Variants in ADCY5 observed in about 807,000 individuals in gnomAD.
The protein encoded by ADCY5 is adenylate cyclase 5.
Under a neutral mutation model 119.7 loss-of-function variants are expected in ADCY5, and 30 were observed. That is an observed-to-expected ratio of 0.25 (90% CI 0.19 to 0.34). The LOEUF (loss-of-function observed/expected upper bound fraction) is 0.34, where lower values mean the gene tolerates loss of function less well. ADCY5 is among the 10% of genes least tolerant of loss of function. ADCY5 has a pLI of 1.00. For synonymous variants in ADCY5, 753 were observed against 762.2 expected (o/e 0.99, Z 0.20); for missense variants, 1,324 against 1,775.2 (o/e 0.75, Z 4.57).
intron 3 of ADCY5, among the ~76,000 whole-genome samples, chr3:123,332,944 A>G (rs1371181774): frequency 6.7e-6 from 1 of 149,330 alleles, no homozygotes. Flanking sequence ...TTTTGGGTAG[A>G]GACAGGGTCT....
intron 3 of ADCY5, among the ~76,000 whole-genome samples, chr3:123,335,540 T>C (rs1941978574): frequency 6.6e-6 from 1 of 152,172 alleles, no homozygotes; most frequent in African/African-American, 2.4e-5. Flanking sequence ...ATCAAGATGA[T>C]GCTGTCTGTA....
intron 1 of ADCY5, among the ~76,000 whole-genome samples, chr3:123,431,211 C>G (rs1945515007): frequency 6.6e-6 from 1 of 152,210 alleles, no homozygotes; most frequent in Non-Finnish European, 1.5e-5. Flanking sequence ...TTCTAGTTTA[C>G]AGCGGAGTCA....
intron 1 of ADCY5, among the ~76,000 whole-genome samples, chr3:123,357,381 A>G (rs1330813400): frequency 6.6e-6 from 1 of 152,186 alleles, no homozygotes; most frequent in African/African-American, 2.4e-5. Flanking sequence ...CATGACCCCC[A>G]AAGCAATTAT....
chr3:123,320,900 T>C, intron 8 of ADCY5, 129 bp from the exon 9 acceptor site: 1 of 695,208 alleles, frequency 1.4e-6, no homozygotes. Context: ...GAGAGGATTG[T>C]CATTCAGCAG....
intron 1 of ADCY5, among the ~76,000 whole-genome samples, chr3:123,396,011 A>AGAGAGGGAGGGAGG (rs1944537303): frequency 8.0e-6 from 1 of 125,710 alleles, no homozygotes; most frequent in Non-Finnish European, 1.6e-5. Flanking sequence ...AGAAAGAGAG[A>AGAGAGGGAGGGAGG]AAGAGAGAGG....
At chr3:123,354,236 C>T (rs1453610286) in intron 1 of ADCY5, among the ~76,000 whole-genome samples, 1 of 152,166 alleles carries the variant, frequency 6.6e-6, no homozygotes. Flanking sequence ...TTTGTGTCCC[C>T]CAAAAGGACT....
At chr3:123,387,867 G>C (rs934547610) in intron 1 of ADCY5, among the ~76,000 whole-genome samples, 1 of 152,168 alleles carries the variant, frequency 6.6e-6, no homozygotes, top group African/African-American at 2.4e-5. Flanking sequence ...AGCTGGTCAC[G>C]GTGTGTGGTC....
At chr3:123,434,217 A>T (rs1236703232) in intron 1 of ADCY5, among the ~76,000 whole-genome samples, 1 of 152,232 alleles carries the variant, frequency 6.6e-6, no homozygotes, top group African/African-American at 2.4e-5. Flanking sequence ...TTAACTAACT[A>T]GCAATGTAAC....
intron 3 of ADCY5, among the ~76,000 whole-genome samples, chr3:123,341,832 T>C (rs1164136906): frequency 6.6e-6 from 1 of 152,074 alleles, no homozygotes; most frequent in Non-Finnish European, 1.5e-5. Flanking sequence ...GCAGGCTGTA[T>C]ATAGTAGCAG....
intron 1 of ADCY5, among the ~76,000 whole-genome samples, chr3:123,427,624 G>T (rs1006598789): frequency 3.3e-5 from 5 of 152,162 alleles, no homozygotes; most frequent in African/African-American, 1.2e-4. Flanking sequence ...ATGTATAAGA[G>T]GCCAGACCCC....
At chr3:123,378,921 C>G (rs540006539) in intron 1 of ADCY5, among the ~76,000 whole-genome samples, 2 of 152,322 alleles carry the variant, frequency 1.3e-5, no homozygotes, top group South Asian at 4.1e-4. Flanking sequence ...CAAGTGACAT[C>G]AATTATTATA....
chr3:123,313,664 C>T (rs1341174403), intron 12 of ADCY5, among the ~76,000 whole-genome samples: 5 of 152,178 alleles, frequency 3.3e-5, no homozygotes, highest in Admixed American at 2.0e-4. Context: ...ACACAGCACA[C>T]CTAAGAGATA....
At chr3:123,287,156 C>T (rs950196801) in intron 19 of ADCY5, 1 of 195,690 alleles carries the variant, frequency 5.1e-6, no homozygotes, top group Non-Finnish European at 1.0e-5. Flanking sequence ...GTCTCTCTTC[C>T]TCATTCTTCT....
intron 1 of ADCY5, among the ~76,000 whole-genome samples, chr3:123,375,624 A>G (rs1009329947): frequency 6.6e-6 from 1 of 152,266 alleles, no homozygotes; most frequent in African/African-American, 2.4e-5. Flanking sequence ...GTCTGCCCCA[A>G]GAATGCTCGA....
intron 2 of ADCY5, among the ~76,000 whole-genome samples, chr3:123,348,238 C>T (rs780254700): frequency 2.0e-5 from 3 of 152,050 alleles, no homozygotes; most frequent in Non-Finnish European, 2.9e-5. Flanking sequence ...TGAGACTCTG[C>T]GTGACCTTGG....
At chr3:123,383,963 C>CGT (rs1559851937) in intron 1 of ADCY5, among the ~76,000 whole-genome samples, 5 of 53,490 alleles carry the variant, frequency 9.3e-5, no homozygotes, top group African/African-American at 2.7e-4. Context: ...GGCACGTGCG[C>CGT]GCGCGCACAC....
intron 19 of ADCY5, 116 bp downstream of exon 19, chr3:123,289,634 C>G: frequency 7.9e-7 from 1 of 1,258,156 alleles, no homozygotes; most frequent in East Asian, 2.3e-5. Context: ...TCTGCTGCCG[C>G]CTGGCCTTCT....
chr3:123,437,231 C>T lies in ADCY5; in HGVS notation c.1134+10181G>A, dbSNP rs963726080. ...AGATTCCCCCAACCCCGAGGTCAAA[C>T]GAGCTGGGGCATTCGTCTACCAGTG... On this transcript the variant is annotated intron_variant, in intron 1 of 20. Coordinates refer to ENST00000462833, the MANE Select transcript of ADCY5 (RefSeq NM_183357.3). 7.9e-5 allele frequency among the ~76,000 whole-genome samples: 12 copies of T among 152,284 alleles called. No individual in the cohort carries two copies. In the East Asian group the frequency reaches 2.1e-3, roughly 27 times the overall value.
chr3:123,313,287 G>A (rs776595554), intron 12 of ADCY5, among the ~76,000 whole-genome samples: 19 of 152,188 alleles, frequency 1.2e-4, no homozygotes, highest in African/African-American at 3.6e-4. Context: ...CCTCTCTGGA[G>A]GGTGGAGAGA....
Sources: gnomAD v4.1 joint callset for allele counts (sites outside exome capture counted in the v4.1 genomes callset) on GRCh38, gnomAD v4.1.1 for gene constraint, MANE v1.5 for transcripts, NCBI Gene and HGNC (gene_info 2026-07-23, HGNC 2026-07-21) for gene names.